Variants in RUNX2 observed in about 807,000 individuals in gnomAD.
The protein encoded by RUNX2 is RUNX family transcription factor 2.
RUNX2 carries 10 observed loss-of-function variants against 51.7 expected under a neutral mutation model. The ratio of observed to expected loss-of-function variants is 0.19; its 90% confidence interval spans 0.12 to 0.33. The LOEUF is 0.33. Among genes scored for constraint, RUNX2 ranks in the 10% least tolerant of loss-of-function variants. The probability of loss-of-function intolerance (pLI) is 1.00; values close to 1 mark genes in which losing one functional copy is unlikely to be tolerated. For missense variants in RUNX2, 562 were observed against 691.3 expected (o/e 0.81, Z 2.10); for synonymous variants, 276 against 273.6 (o/e 1.01, Z -0.09).
intron 2 of RUNX2, among the ~76,000 whole-genome samples, chr6:45,353,927 G>C (rs1337309210): frequency 6.6e-6 from 1 of 151,796 alleles, no homozygotes; most frequent in Non-Finnish European, 1.5e-5. Flanking sequence ...AAAAAATACA[G>C]TAGAATTATA....
chr6:45,336,871 G>T (rs768048078), intron 2 of RUNX2, among the ~76,000 whole-genome samples: 11 of 151,116 alleles, frequency 7.3e-5, no homozygotes, highest in Non-Finnish European at 1.2e-4. Flanking sequence ...TAATTTTTTT[G>T]ATCCAGAAAC....
chr6:45,348,959 G>T (rs946702601), intron 2 of RUNX2, among the ~76,000 whole-genome samples: 1 of 152,034 alleles, frequency 6.6e-6, no homozygotes, highest in African/African-American at 2.4e-5. Context: ...TTCCACAAAT[G>T]TATACACAGT....
intron 2 of RUNX2, among the ~76,000 whole-genome samples, chr6:45,416,824 G>C (rs894729570): frequency 6.6e-6 from 1 of 152,096 alleles, no homozygotes; most frequent in Non-Finnish European, 1.5e-5. Flanking sequence ...CCATGAATGT[G>C]GTTCTGAAAG....
At chr6:45,424,157 G>A (rs947204857) in intron 3 of RUNX2, among the ~76,000 whole-genome samples, 1 of 152,224 alleles carries the variant, frequency 6.6e-6, no homozygotes, top group Non-Finnish European at 1.5e-5. Flanking sequence ...TTAGTTTGAG[G>A]GCGGGTGGCA....
At chr6:45,339,795 A>C (rs942244463) in intron 2 of RUNX2, among the ~76,000 whole-genome samples, 7 of 152,212 alleles carry the variant, frequency 4.6e-5, no homozygotes, top group African/African-American at 1.7e-4. Context: ...ATATTTTGAA[A>C]AATCAATGTA....
rs1801185119 is a variant in RUNX2 at position 45,512,382 on chromosome 6, C to G, written c.996C>G (p.Ile332Met). Residue 332 changes from isoleucine (I) to methionine (M), a missense_variant, in exon 7 of 9, where the codon ATC becomes ATG. Physicochemically the swap from Ile to Met is conservative, Grantham distance 10. Coordinates refer to ENST00000647337, the MANE Select transcript of RUNX2 (RefSeq NM_001024630.4). The stretch of plus-strand genomic sequence containing the variant: ...CACGGGGCACTGGGCTTCCTGCCAT[C>G]ACCGATGTGCCTAGGCGCATTTCAG... ...SSTRGTGLPA[I>M]TDVPRRISDD... 1 of 1,613,990 alleles carries G rather than the reference C, an allele frequency of 6.2e-7. No homozygotes were observed. Among genetic ancestry groups the G allele is most frequent in the African/African-American group, 1.3e-5 (1 of 74,906 alleles).
intron 5 of RUNX2, among the ~76,000 whole-genome samples, chr6:45,481,086 T>C (rs139120463): frequency 2.6e-5 from 4 of 152,362 alleles, no homozygotes; most frequent in African/African-American, 9.6e-5. Flanking sequence ...TAAAACACTC[T>C]GTCTCTCTGT....
rs78147931 is a variant in RUNX2, at chr6:45,441,645, C to A, written c.685+3594C>A. On this transcript the variant is annotated intron_variant, in intron 5 of 8. Transcript: ENST00000647337. Reference sequence around the variant, plus strand: ...AGGAAACAGATAACATCTATAGATTCTGTTCTCTAGTATATTACTTTTTTC... The same window carrying A: ...AGGAAACAGATAACATCTATAGATTATGTTCTCTAGTATATTACTTTTTTC... 8.9e-3 allele frequency among the ~76,000 whole-genome samples: 1,362 copies of A among 152,248 alleles called. 20 individuals are homozygous for A. The highest frequency in any genetic ancestry group is 0.031 in the African/African-American group (1,273 of 41,532).
At chr6:45,398,744 T>C (rs912851160) in intron 2 of RUNX2, among the ~76,000 whole-genome samples, 1 of 152,206 alleles carries the variant, frequency 6.6e-6, no homozygotes, top group Admixed American at 6.5e-5. Context: ...CCTTATAACA[T>C]TAATAGCTAT....
At chr6:45,505,022 A>G (rs1800918348) in intron 6 of RUNX2, among the ~76,000 whole-genome samples, 1 of 152,194 alleles carries the variant, frequency 6.6e-6, no homozygotes. Flanking sequence ...GTTACACAGA[A>G]GCCTGCTGGC....
chr6:45,417,614 T>C (rs889213218), intron 2 of RUNX2, among the ~76,000 whole-genome samples: 1 of 152,208 alleles, frequency 6.6e-6, no homozygotes, highest in Non-Finnish European at 1.5e-5. Context: ...TTGCATCCCT[T>C]TCACTTTAGG....
chr6:45,392,825 T>C (rs1421925869), intron 2 of RUNX2, among the ~76,000 whole-genome samples: 1 of 152,168 alleles, frequency 6.6e-6, no homozygotes, highest in Non-Finnish European at 1.5e-5. Context: ...GTATTTCTTC[T>C]GTTGATTTCT....
intron 5 of RUNX2, among the ~76,000 whole-genome samples, chr6:45,474,352 C>T (rs1799892039): frequency 6.7e-6 from 1 of 148,338 alleles, no homozygotes; most frequent in African/African-American, 2.6e-5. Flanking sequence ...ACAATGGCCA[C>T]CATATTTTTA....
At chr6:45,524,407 G>A (rs1801605654) in intron 7 of RUNX2, among the ~76,000 whole-genome samples, 1 of 152,152 alleles carries the variant, frequency 6.6e-6, no homozygotes, top group Non-Finnish European at 1.5e-5. Context: ...ATGCAGCGAA[G>A]CATGGGAGAC....
chr6:45,471,698 A>G (rs1398561350), intron 5 of RUNX2, among the ~76,000 whole-genome samples: 1 of 152,088 alleles, frequency 6.6e-6, no homozygotes, highest in African/African-American at 2.4e-5. Context: ...CGGCCTCCCA[A>G]AGTGCTGGGA....
intron 2 of RUNX2, among the ~76,000 whole-genome samples, chr6:45,411,196 C>T (rs1261666461): frequency 6.6e-6 from 1 of 152,154 alleles, no homozygotes; most frequent in Non-Finnish European, 1.5e-5. Flanking sequence ...AGGTTTTTCA[C>T]ATAATAGAAC....
chr6:45,514,219 T>C (rs1197891560), intron 7 of RUNX2, among the ~76,000 whole-genome samples: 1 of 152,200 alleles, frequency 6.6e-6, no homozygotes, highest in Admixed American at 6.5e-5. Flanking sequence ...AGGAAAGCCA[T>C]TGAAAATAAC....
At position 45,414,754 on chromosome 6, in the gene RUNX2, C is replaced by CTTTTT. The variant is rs34672680; in HGVS notation, c.59-7813_59-7809dup. Among the ~76,000 whole-genome samples the CTTTTT allele has an allele frequency of 2.4e-3, 81 of 33,444 alleles. 16 individuals carry two copies. Among genetic ancestry groups the CTTTTT allele is most frequent in the African/African-American group, 7.9e-3 (73 of 9,234 alleles). 21.9% of individuals were successfully genotyped at this position (33,444 alleles called of 152,430 possible). Reference sequence around the variant, plus strand: ...ATCTCTCCACCTTCCCAGATCCTGGCTTTTTTTTTTTTTTTTTTTTTTTTT... The same window carrying CTTTTT: ...ATCTCTCCACCTTCCCAGATCCTGGCTTTTTTTTTTTTTTTTTTTTTTTTTTTTTT... On this transcript the variant is annotated intron_variant, in intron 2 of 8. Coordinates refer to ENST00000647337, the MANE Select transcript of RUNX2 (RefSeq NM_001024630.4).
chr6:45,352,797 A>C (rs977259189), intron 2 of RUNX2, among the ~76,000 whole-genome samples: 1 of 152,218 alleles, frequency 6.6e-6, no homozygotes, highest in East Asian at 1.9e-4. Flanking sequence ...TTTATTCTTT[A>C]TTACTTATAT....
Sources: allele counts gnomAD v4.1 joint callset (sites outside exome capture counted in the v4.1 genomes callset), GRCh38; gene constraint gnomAD v4.1.1; transcripts MANE v1.5; gene names NCBI Gene and HGNC (gene_info 2026-07-23, HGNC 2026-07-21).